SLC35D2: variants seen among roughly 807,000 people sequenced by gnomAD.
The protein encoded by SLC35D2 is nucleotide sugar transporter SLC35D2.
SLC35D2 carries 43 observed loss-of-function variants against 41.8 expected under a neutral mutation model. The observed-to-expected ratio is 1.03, with a 90% CI of 0.81 to 1.33. SLC35D2 has a LOEUF of 1.33. Among genes scored for constraint, SLC35D2 ranks in the 40% most tolerant of loss-of-function variants. The probability of loss-of-function intolerance (pLI) is 0.00; values close to 1 mark genes in which losing one functional copy is unlikely to be tolerated. For synonymous variants in SLC35D2, 150 were observed against 163.9 expected (o/e 0.92, Z 0.65); for missense variants, 380 against 408.4 (o/e 0.93, Z 0.60).
In SLC35D2 at chr9:96,360,431, C is replaced by A. The variant is rs1449404821; in HGVS notation, c.280-210G>T. Among the ~76,000 whole-genome samples, 9 of 151,936 alleles carry A rather than the reference C, an allele frequency of 5.9e-5. No homozygotes were observed. In the East Asian group the frequency reaches 1.6e-3, roughly 26 times the overall value. On this transcript the variant is annotated intron_variant, in intron 3 of 11. Transcript: ENST00000253270. ...GGATCACGAGGTCAGGAGTTCGAGA[C>A]CAGACTGACCAACACAGCGAAACCC...
Position 96,326,704 on chromosome 9 carries a change from G to A in SLC35D2, c.753-2535C>T, listed in dbSNP as rs1381362956. 3.3e-5 allele frequency among the ~76,000 whole-genome samples: 5 copies of A among 151,648 alleles called. No individual in the cohort carries two copies. The East Asian group carries it at 5.8e-4, about 18-fold the overall frequency. On this transcript the variant is annotated intron_variant, in intron 9 of 11. Transcript: ENST00000253270. ...CCTGTAATCCCAGCTACTCGGAGGC[G>A]CTGAGGCAGGAGAATTGCTTGAGCC...
chr9:96,324,549 C>CTTTGTTTTTTTT (rs1828420677), intron 9 of SLC35D2, among the ~76,000 whole-genome samples: 1 of 117,780 alleles, frequency 8.5e-6, no homozygotes, highest in Non-Finnish European at 1.8e-5. Flanking sequence ...GCCTGCTGCA[C>CTTTGTTTTTTTT]TTTTTTTTTT....
At chr9:96,364,153 T>G (rs997287280) in intron 3 of SLC35D2, among the ~76,000 whole-genome samples, 1 of 151,878 alleles carries the variant, frequency 6.6e-6, no homozygotes, top group African/African-American at 2.4e-5. Flanking sequence ...CCATCTCTAC[T>G]AAAAATACAA....
intron 3 of SLC35D2, among the ~76,000 whole-genome samples, chr9:96,360,659 AG>A (rs1457852784): frequency 6.6e-6 from 1 of 151,046 alleles, no homozygotes; most frequent in Non-Finnish European, 1.5e-5. Flanking sequence ...AAAAAAGAAA[AG>A]GTGCGCCTTC....
downstream of SLC35D2, among the ~76,000 whole-genome samples, chr9:96,315,863 A>T (rs1209459943): frequency 6.6e-6 from 1 of 152,236 alleles, no homozygotes. Context: ...ACCAAAAACC[A>T]GATACACACT....
At chr9:96,342,522 G>A (rs1027770028) in intron 8 of SLC35D2, among the ~76,000 whole-genome samples, 2 of 152,132 alleles carry the variant, frequency 1.3e-5, no homozygotes, top group Admixed American at 1.3e-4. Flanking sequence ...TGTGTTTTCA[G>A]GTATCATGCC....
In SLC35D2 at chr9:96,360,198, G is replaced by A. The variant is rs189965454; in HGVS notation, c.303C>T (p.Tyr101=). 9.9e-6 allele frequency: 16 copies of A among 1,612,044 alleles called. No individual in the cohort carries two copies. Among genetic ancestry groups the A allele is most frequent in the East Asian group, 4.5e-5 (2 of 44,846 alleles). The change falls in exon 4 of 12, where the codon TAC becomes TAT. Residue 101 remains tyrosine, a synonymous_variant. Transcript: ENST00000253270. The stretch of plus-strand genomic sequence containing the variant: ...ATAATCCACTTATGTGGTTTCCAAC[G>A]TAGAGGAGAGGCAGAGGAAACAGCT... The part of the protein sequence containing the change: ...PVKLFPLPLL[Y]VGNHISGLSS...
chr9:96,359,307 CAAA>C (rs1356916363), intron 4 of SLC35D2, among the ~76,000 whole-genome samples: 2 of 117,162 alleles, frequency 1.7e-5, no homozygotes, highest in African/African-American at 3.2e-5. Flanking sequence ...GACTCCGTCT[CAAA>C]AAAAAAAAAA....
chr9:96,321,512 C>T lies in SLC35D2; in HGVS notation c.915-171G>A, dbSNP rs532171560. Among the ~76,000 whole-genome samples, 9 of 152,232 alleles carry T rather than the reference C, an allele frequency of 5.9e-5. No individual in the cohort carries two copies. The East Asian group carries it at 1.7e-3, about 30-fold the overall frequency. On this transcript the variant is annotated intron_variant, in intron 11 of 11. Transcript: ENST00000253270. ...CTTGATGAGAATTTCCCCTTATTTACAAGCCTTTGGAGGCAGAAAAAGAGT... is the reference window on the plus strand; with the variant it reads ...CTTGATGAGAATTTCCCCTTATTTATAAGCCTTTGGAGGCAGAAAAAGAGT...
Position 96,360,167 on chromosome 9 carries a change from T to A in SLC35D2, c.334A>T (p.Thr112Ser), listed in dbSNP as rs368132918. The change falls in exon 4 of 12, where the codon ACA becomes TCA. Residue 112 changes from threonine to serine, a missense_variant. Coordinates refer to ENST00000253270, the MANE Select transcript of SLC35D2 (RefSeq NM_007001.3). ...VGNHISGLSS[T>S]SKLSLPMFTV... ...CCTATACTCTACCTTAATTTACTTG[T>A]GCTTGATAATCCACTTATGTGGTTT... 11 of 1,612,484 alleles carry A rather than the reference T, an allele frequency of 6.8e-6. No individual in the cohort carries two copies. Among genetic ancestry groups the A allele is most frequent in the Non-Finnish European group, 9.3e-6 (11 of 1,178,916 alleles).
At chr9:96,315,825 A>C (rs1162111959), downstream of SLC35D2, among the ~76,000 whole-genome samples, 1 of 152,104 alleles carries the variant, frequency 6.6e-6, no homozygotes, top group Non-Finnish European at 1.5e-5. Context: ...ACAAAATTAA[A>C]TACATAGAAT....
chr9:96,351,107 C>A lies in SLC35D2; in HGVS notation c.484G>T (p.Ala162Ser), dbSNP rs1292411091. ...AGAAACAGTCCAAAGTCTTACCCAG[C>A]TGCTATGAAAGCCCCGAGAATAATG... ...FAIILGAFIA[A>S]GSDLAFNLEG... Residue 162 changes from alanine to serine, a missense_variant, in exon 6 of 12, where the codon GCT (alanine) becomes TCT (serine). Physicochemically the swap from Ala to Ser is moderately conservative, Grantham distance 99. Coordinates refer to ENST00000253270, the MANE Select transcript of SLC35D2 (RefSeq NM_007001.3). 6 of 1,610,146 alleles carry A rather than the reference C, an allele frequency of 3.7e-6. No individual in the cohort carries two copies. The highest frequency in any genetic ancestry group is 5.1e-6 in the Non-Finnish European group (6 of 1,176,426).
chr9:96,324,848 C>T (rs78605351), intron 9 of SLC35D2, among the ~76,000 whole-genome samples: 20,193 of 151,520 alleles, frequency 0.13, 1,773 homozygotes, highest in East Asian at 0.28. Flanking sequence ...AGCCACCGCG[C>T]CTGGCCCGCC....
At chr9:96,332,060 G>A (rs567369530) in intron 9 of SLC35D2, among the ~76,000 whole-genome samples, 20 of 152,234 alleles carry the variant, frequency 1.3e-4, no homozygotes, top group African/African-American at 4.8e-4. Context: ...GGTTGGCACT[G>A]GCCCTTTCAC....
At chr9:96,342,322 G>A (rs1829366914) in intron 8 of SLC35D2, among the ~76,000 whole-genome samples, 1 of 152,066 alleles carries the variant, frequency 6.6e-6, no homozygotes, top group African/African-American at 2.4e-5. Flanking sequence ...TACAAATGGG[G>A]TTTCATCACG....
intron 7 of SLC35D2, 107 bp downstream of exon 7, chr9:96,345,192 A>C (rs913391255): frequency 1.1e-5 from 7 of 611,640 alleles, no homozygotes; most frequent in Non-Finnish European, 1.1e-5. Flanking sequence ...TACAGGTCAT[A>C]TTATATAAAT....
intron 9 of SLC35D2, among the ~76,000 whole-genome samples, chr9:96,333,207 A>T (rs1828889195): frequency 6.6e-6 from 1 of 151,148 alleles, no homozygotes; most frequent in African/African-American, 2.4e-5. Flanking sequence ...TGAATTTTCA[A>T]TTTCTAAAAT....
chr9:96,344,436 C>T (rs1402729034), intron 7 of SLC35D2, among the ~76,000 whole-genome samples: 1 of 145,746 alleles, frequency 6.9e-6, no homozygotes, highest in Non-Finnish European at 1.5e-5. Context: ...CACCACTTCA[C>T]CATTTTCAAA....
chr9:96,367,285 A>C (rs551628523), intron 2 of SLC35D2, among the ~76,000 whole-genome samples: 37 of 152,136 alleles, frequency 2.4e-4, no homozygotes, highest in Admixed American at 9.8e-4. Flanking sequence ...CAGATTCACA[A>C]TTAAAAATTT....
Sources: gnomAD v4.1 joint callset for allele counts (sites outside exome capture counted in the v4.1 genomes callset) on GRCh38, gnomAD v4.1.1 for gene constraint, MANE v1.5 for transcripts, NCBI Gene and HGNC (gene_info 2026-07-23, HGNC 2026-07-21) for gene names.